Variants in MRPL18 observed in about 807,000 individuals in gnomAD.
MRPL18 encodes the protein large ribosomal subunit protein uL18m.
MRPL18 carries 16 observed loss-of-function variants against 20.9 expected under a neutral mutation model. That is an observed-to-expected ratio of 0.76 (90% CI 0.52 to 1.16). The LOEUF (loss-of-function observed/expected upper bound fraction) is 1.16. Ranked by LOEUF, MRPL18 falls within the 50% of genes most tolerant of loss-of-function variation. MRPL18 has a pLI of 0.00. For missense variants in MRPL18, 233 were observed against 230.6 expected, an observed-to-expected ratio of 1.01 and a Z score of -0.07; for synonymous variants, 91 against 87.1, an observed-to-expected ratio of 1.04 and a Z score of -0.25.
intron 3 of MRPL18, among the ~76,000 whole-genome samples, 154 bp downstream of exon 3, chr6:159,797,672 A>G (rs1011768856): frequency 6.6e-6 from 1 of 152,218 alleles, no homozygotes; most frequent in African/African-American, 2.4e-5. Context: ...TTTAATCCTC[A>G]CATCAGTCCA....
At chr6:159,795,281 C>T (rs543019416) in intron 2 of MRPL18, among the ~76,000 whole-genome samples, 2 of 152,184 alleles carry the variant, frequency 1.3e-5, no homozygotes, top group African/African-American at 2.4e-5. Flanking sequence ...AGACCCTTTA[C>T]GGGTGTCAGG....
At chr6:159,790,061 G>GT (rs1270280629), upstream of MRPL18, 5 of 177,646 alleles carry the variant, frequency 2.8e-5, no homozygotes, top group Admixed American at 1.1e-4. Flanking sequence ...CCTCAGGAGT[G>GT]TAAGTTTAAG....
In MRPL18 at chr6:159,797,273, C is replaced by CT. The variant is rs772181869; in HGVS notation, c.240-13dup. 6.2e-6 allele frequency: 10 copies of CT among 1,604,114 alleles called. No individual in the cohort carries two copies. The highest frequency in any genetic ancestry group is 8.5e-6 in the Non-Finnish European group (10 of 1,170,994). ...GATTCTTCTGTGATTTTATTATCTTCTCACCCCATTTAGGTTGCGAGTTAT... is the reference window on the plus strand; with the variant it reads ...GATTCTTCTGTGATTTTATTATCTTCTTCACCCCATTTAGGTTGCGAGTTAT... On this transcript the variant is annotated splice_polypyrimidine_tract_variant and intron_variant, in intron 2 of 3. Coordinates refer to ENST00000367034, the MANE Select transcript of MRPL18 (RefSeq NM_014161.5).
chr6:159,792,351 A>G (rs1052747640), intron 2 of MRPL18, among the ~76,000 whole-genome samples: 1 of 152,210 alleles, frequency 6.6e-6, no homozygotes, highest in African/African-American at 2.4e-5. Context: ...GGAAATCATT[A>G]CTGTGTGATG....
chr6:159,790,825 T>A (rs773107761), intron 1 of MRPL18, 115 bp from the exon 2 acceptor site: 3 of 1,425,026 alleles, frequency 2.1e-6, no homozygotes, highest in Non-Finnish European at 2.8e-6. Context: ...TACGTATTTT[T>A]CGTCCCCTCG....
At position 159,791,067 on chromosome 6, in the gene MRPL18, T is replaced by A. The variant is rs1363618378; in HGVS notation, c.180T>A (p.Ser60=). The part of the protein sequence containing the change: ...NRNPRNLELL[S]VARKERGWRT... ...ACCCCCGGAACCTGGAGCTTTTATC[T>A]GTAGCCAGGAAAGAGCGGGGCTGGC... Residue 60 remains serine, a synonymous_variant, in exon 2 of 4, where the codon TCT becomes TCA. Transcript: ENST00000367034. 1 of 1,614,100 alleles carries A rather than the reference T, an allele frequency of 6.2e-7. No individual in the cohort carries two copies. Among genetic ancestry groups the A allele is most frequent in the Non-Finnish European group, 8.5e-7 (1 of 1,180,052 alleles).
At chr6:159,797,594 C>G in intron 3 of MRPL18, 76 bp downstream of exon 3, 3 of 1,373,786 alleles carry the variant, frequency 2.2e-6, no homozygotes, top group Non-Finnish European at 3.0e-6. Flanking sequence ...ATAATAATAA[C>G]AGTTTTTACT....
rs1781073884 is a variant in MRPL18 at position 159,797,835 on chromosome 6, T to C, written c.472-217T>C. Among the ~76,000 whole-genome samples the C allele has an allele frequency of 2.0e-5, 3 of 152,216 alleles. No individual in the cohort carries two copies. The South Asian group carries it at 6.2e-4, about 32-fold the overall frequency. On this transcript the variant is annotated intron_variant, in intron 3 of 3. Transcript: ENST00000367034. Reference sequence around the variant, plus strand: ...TTCCTGTTCATATATTGACATCTTGTCCATATAATATTTTGAAATGCTGCT... The same window carrying C: ...TTCCTGTTCATATATTGACATCTTGCCCATATAATATTTTGAAATGCTGCT...
chr6:159,790,658 C>T lies in MRPL18; in HGVS notation c.52+19C>T. 1.2e-6 allele frequency: 2 copies of T among 1,613,694 alleles called. No homozygotes were observed. Among genetic ancestry groups the T allele is most frequent in the South Asian group, 1.1e-5 (1 of 91,066 alleles). On this transcript the variant is annotated intron_variant, in intron 1 of 3. Coordinates refer to ENST00000367034, the MANE Select transcript of MRPL18 (RefSeq NM_014161.5). ...AACCCTGGTAATTAGTCTTGCCCCC[C>T]TTCTCCCAGCTCACTCGCCTGGGCT...
intron 2 of MRPL18, among the ~76,000 whole-genome samples, chr6:159,795,364 CA>C (rs1195420801): frequency 6.6e-6 from 1 of 152,254 alleles, no homozygotes; most frequent in Non-Finnish European, 1.5e-5. Flanking sequence ...AAACCTTGGA[CA>C]ATACCTGGCT....
chr6:159,792,901 T>G (rs1246659891), intron 2 of MRPL18, among the ~76,000 whole-genome samples: 1 of 152,218 alleles, frequency 6.6e-6, no homozygotes, highest in South Asian at 2.1e-4. Context: ...CCTCCCAGGC[T>G]CAAACGATTC....
chr6:159,790,717 T>A (rs146539573), intron 1 of MRPL18, 78 bp downstream of exon 1: 2 of 1,571,674 alleles, frequency 1.3e-6, no homozygotes, highest in Non-Finnish European at 1.7e-6. Context: ...GGTTCTATTT[T>A]GTATTCGACG....
chr6:159,797,371 T>C lies in MRPL18; in HGVS notation c.324T>C (p.Arg108=), dbSNP rs1781053835. The C allele has an allele frequency of 6.2e-7, 1 of 1,614,166 alleles. No homozygotes were observed. Among genetic ancestry groups the C allele is most frequent in the African/African-American group, 1.3e-5 (1 of 75,042 alleles). Residue 108 remains arginine (R), a synonymous_variant, in exon 3 of 4, where the codon CGT becomes CGC. Transcript: ENST00000367034. The stretch of plus-strand genomic sequence containing the variant: ...AGGTTGTGGTTTCGGCCTCCACTCG[T>C]GAGTGGGCTATTAAAAAGCACCTTT... ...NGKVVVSAST[R]EWAIKKHLYS...
At chr6:159,792,987 T>C (rs1480938877) in intron 2 of MRPL18, among the ~76,000 whole-genome samples, 6 of 44,304 alleles carry the variant, frequency 1.4e-4, no homozygotes, top group Non-Finnish European at 4.3e-4. Context: ...TCTTTTTCTT[T>C]TTTTTTTTTT....
At chr6:159,790,104 C>T, upstream of MRPL18, 1 of 185,196 alleles carries the variant, frequency 5.4e-6, no homozygotes, top group South Asian at 9.7e-5. Flanking sequence ...GGCAGTTTTT[C>T]CAGCGGGCCA....
chr6:159,794,928 T>TGAGAGGGG (rs1275459913), intron 2 of MRPL18, among the ~76,000 whole-genome samples: 4 of 152,212 alleles, frequency 2.6e-5, no homozygotes, highest in Admixed American at 2.0e-4. Flanking sequence ...GGTGTTTCTC[T>TGAGAGGGG]GAGAGGGGGA....
intron 3 of MRPL18, among the ~76,000 whole-genome samples, chr6:159,797,841 T>A (rs1192510156): frequency 6.6e-6 from 1 of 152,232 alleles, no homozygotes; most frequent in African/African-American, 2.4e-5. Flanking sequence ...CTTGTCCATA[T>A]AATATTTTGA....
Position 159,798,184 on chromosome 6 carries a change from A to G in MRPL18, c.*61A>G. 1 of 1,377,698 alleles carries G rather than the reference A, an allele frequency of 7.3e-7. No individual in the cohort carries two copies. The highest frequency in any genetic ancestry group is 1.0e-6 in the Non-Finnish European group (1 of 980,610). The allele number at this position is 1,377,698 out of a possible 1,614,324, so 85.3% of individuals were successfully genotyped here. On this transcript the variant is annotated 3_prime_UTR_variant, in exon 4 of 4. Coordinates refer to ENST00000367034, the MANE Select transcript of MRPL18 (RefSeq NM_014161.5). ...AATCTGTCAGCCACTACAGCCATCA[A>G]AAGAGAGCATCTGGAAGAACAGCCA... is the stretch of plus-strand genomic sequence containing the variant.
At chr6:159,794,399 A>T (rs1296772119) in intron 2 of MRPL18, among the ~76,000 whole-genome samples, 1 of 152,242 alleles carries the variant, frequency 6.6e-6, no homozygotes, top group Non-Finnish European at 1.5e-5. Context: ...AGCTAAAAAA[A>T]AATATAGAAA....
Sources: allele counts gnomAD v4.1 joint callset (sites outside exome capture counted in the v4.1 genomes callset), GRCh38; gene constraint gnomAD v4.1.1; transcripts MANE v1.5; gene names NCBI Gene and HGNC (gene_info 2026-07-23, HGNC 2026-07-21).